The following EPHX2 variants were observed in gnomAD, a reference collection of about 807,000 sequenced individuals.
EPHX2 encodes bifunctional epoxide hydrolase 2.
A neutral mutation model predicts 78.7 loss-of-function variants in EPHX2; 74 were observed. The ratio of observed to expected loss-of-function variants is 0.94; its 90% CI spans 0.78 to 1.14. The LOEUF (loss-of-function observed/expected upper bound fraction) is 1.14. Among genes scored for constraint, EPHX2 ranks in the 50% most tolerant of loss-of-function variants. The pLI is 0.00. For synonymous variants in EPHX2, 251 were observed against 255.2 expected, an observed-to-expected ratio of 0.98 and a Z score of 0.16; for missense variants, 715 against 702.5, an observed-to-expected ratio of 1.02 and a Z score of -0.20.
rs376158103 is a variant in EPHX2 at position 27,506,899 on chromosome 8, A to G, written c.565A>G (p.Asn189Asp). 93 of 1,614,158 alleles carry G rather than the reference A, an allele frequency of 5.8e-5. No homozygotes were observed. In the East Asian group the frequency reaches 2.0e-3, roughly 34 times the overall value. Residue 189 changes from asparagine to aspartate, a missense_variant, in exon 5 of 19, where the codon AAT (asparagine) becomes GAT (aspartate). By Grantham distance (23) the Asn-to-Asp change is conservative. Coordinates refer to ENST00000521400, the MANE Select transcript of EPHX2 (RefSeq NM_001979.6). ...EVVFLDDIGA[N>D]LKPARDLGMV... ...CGTTTTTTTGGATGACATCGGGGCT[A>G]ATCTGAAGCCAGCCCGTGACTTGGG... is the stretch of plus-strand genomic sequence containing the variant.
At chr8:27,524,154 A>C (rs1256219931) in intron 11 of EPHX2, among the ~76,000 whole-genome samples, 1 of 152,058 alleles carries the variant, frequency 6.6e-6, no homozygotes, top group Admixed American at 6.5e-5. Flanking sequence ...GCTGGTCTAG[A>C]ACTCCTGGCC....
chr8:27,494,332 G>T (rs1167984855), intron 1 of EPHX2, among the ~76,000 whole-genome samples: 1 of 152,148 alleles, frequency 6.6e-6, no homozygotes, highest in Non-Finnish European at 1.5e-5. Context: ...GAGGATTGTG[G>T]CCTCCAGGCA....
In EPHX2 at chr8:27,544,961, C is replaced by G. The variant is rs544565063; in HGVS notation, c.*439C>G. The G allele has an allele frequency of 5.1e-6, 1 of 197,558 alleles. No homozygotes were observed. Among genetic ancestry groups the G allele is most frequent in the Admixed American group, 5.3e-5 (1 of 18,792 alleles). 12.2% of individuals were successfully genotyped at this position (197,558 alleles called of 1,614,324 possible). A position where few individuals can be genotyped will look rare whatever the true frequency, so the allele number is the denominator to read the frequency against. ...TTCTTGGAGAGGTGGAGTGACTGTT[C>G]ACGGAGAATGCACGGCATGGGGATG... On this transcript the variant is annotated 3_prime_UTR_variant, in exon 19 of 19. Transcript: ENST00000521400.
chr8:27,521,463 C>A (rs1350324314), intron 10 of EPHX2, among the ~76,000 whole-genome samples: 1 of 152,148 alleles, frequency 6.6e-6, no homozygotes, highest in African/African-American at 2.4e-5. Context: ...CCAGGCAGAA[C>A]AGCAGCAGTG....
intron 1 of EPHX2, among the ~76,000 whole-genome samples, chr8:27,495,965 C>T (rs1813557054): frequency 1.3e-5 from 2 of 152,180 alleles, no homozygotes; most frequent in African/African-American, 4.8e-5. Context: ...CTCTGGGTCT[C>T]CTTGATTAGA....
In EPHX2 at chr8:27,501,548, C is replaced by T. The variant is rs544161730; in HGVS notation, c.186+538C>T. 1.2e-3 allele frequency among the ~76,000 whole-genome samples: 189 copies of T among 152,014 alleles called. 2 individuals are homozygous for T. The highest frequency in any genetic ancestry group is 0.012 in the South Asian group (56 of 4,810). On this transcript the variant is annotated intron_variant, in intron 2 of 18. Transcript: ENST00000521400. ...CCTCCCAAGTAGCTGGGATTACAGG[C>T]ACACATCACCATGCCCAGCTGTTTT...
chr8:27,515,789 G>C lies in EPHX2; in HGVS notation c.807G>C (p.Glu269Asp). 6.2e-7 allele frequency: 1 copy of C among 1,614,086 alleles called. No homozygotes were observed. Among genetic ancestry groups the C allele is most frequent in the Non-Finnish European group, 8.5e-7 (1 of 1,180,030 alleles). The change falls in exon 7 of 19, where the codon GAG becomes GAC. Residue 269 changes from glutamate to aspartate, a missense_variant. Physicochemically the swap from Glu to Asp is conservative, Grantham distance 45 (BLOSUM62 2). Transcript: ENST00000521400. ...PAVCLCHGFPESWYSWRYQIP... is the reference protein window; with the variant it reads ...PAVCLCHGFPDSWYSWRYQIP... Reference sequence around the variant, plus strand: ...TGTGCCTCTGCCATGGATTTCCCGAGAGTTGGTATTCTTGGAGGTACCAGG... The same window carrying C: ...TGTGCCTCTGCCATGGATTTCCCGACAGTTGGTATTCTTGGAGGTACCAGG...
At chr8:27,528,147 A>C (rs142310709) in intron 12 of EPHX2, among the ~76,000 whole-genome samples, 82 of 152,344 alleles carry the variant, frequency 5.4e-4, no homozygotes, top group African/African-American at 1.9e-3. Flanking sequence ...AGCCCTTGTC[A>C]AGGCACAGTT....
chr8:27,534,231 CA>C (rs1254721455), intron 12 of EPHX2, among the ~76,000 whole-genome samples: 1 of 152,202 alleles, frequency 6.6e-6, no homozygotes, highest in Non-Finnish European at 1.5e-5. Flanking sequence ...AACAGGCAGA[CA>C]TAGCTTTCAT....
chr8:27,512,592 C>T (rs1352355570), intron 6 of EPHX2, among the ~76,000 whole-genome samples: 1 of 152,226 alleles, frequency 6.6e-6, no homozygotes, highest in Non-Finnish European at 1.5e-5. Context: ...GGCTTGCTGA[C>T]ACAGAGCAGG....
At chr8:27,544,329 T>G in intron 18 of EPHX2, 85 bp downstream of exon 18, 8 of 1,601,068 alleles carry the variant, frequency 5.0e-6, no homozygotes, top group Non-Finnish European at 6.8e-6. Context: ...TTCATTGTGC[T>G]GGCTTTGGCC....
chr8:27,508,768 G>C (rs182565212), intron 5 of EPHX2, among the ~76,000 whole-genome samples: 1 of 151,788 alleles, frequency 6.6e-6, no homozygotes, highest in Non-Finnish European at 1.5e-5. Flanking sequence ...GTGTGTGTGC[G>C]CGCACGCACG....
rs147834561 is a variant in EPHX2 at position 27,536,804 on chromosome 8, G to A, written c.1191G>A (p.Leu397=). ...TTTAGGGAGTGGCTGAGGCTGAACT[G>A]GAACAGAACCTGAGTCGGACTTTCA... The part of the protein sequence containing the change: ...FQEPGVAEAE[L]EQNLSRTFKS... Residue 397 remains leucine (L), a synonymous_variant, in exon 13 of 19, where the codon CTG becomes CTA. Coordinates refer to ENST00000521400, the MANE Select transcript of EPHX2 (RefSeq NM_001979.6). 82 of 1,613,304 alleles carry A rather than the reference G, an allele frequency of 5.1e-5. No homozygotes were observed. The highest frequency in any genetic ancestry group is 6.6e-5 in the Non-Finnish European group (78 of 1,179,734).
chr8:27,510,234 G>A (rs566823521), intron 5 of EPHX2, among the ~76,000 whole-genome samples: 24 of 152,304 alleles, frequency 1.6e-4, no homozygotes, highest in Admixed American at 5.2e-4. Flanking sequence ...GTTGGGTTAC[G>A]CCTTTAGGAC....
intron 8 of EPHX2, among the ~76,000 whole-genome samples, chr8:27,516,750 A>G (rs1814470453): frequency 6.6e-6 from 1 of 151,868 alleles, no homozygotes; most frequent in Non-Finnish European, 1.5e-5. Flanking sequence ...CCTCTCCCCA[A>G]CCCCTGACAA....
chr8:27,504,116 G>T (rs1320760217), intron 3 of EPHX2, among the ~76,000 whole-genome samples: 2 of 152,124 alleles, frequency 1.3e-5, no homozygotes, highest in Non-Finnish European at 2.9e-5. Flanking sequence ...TTAGCCTCTG[G>T]GTATCAGAGT....
At position 27,525,481 on chromosome 8, in the gene EPHX2, T is replaced by C. The variant is rs751034477; in HGVS notation, c.1170+8T>C. The C allele has an allele frequency of 2.6e-5, 41 of 1,607,520 alleles. No homozygotes were observed. Among genetic ancestry groups the C allele is most frequent in the Admixed American group, 3.3e-5 (2 of 60,000 alleles). On this transcript the variant is annotated splice_region_variant and intron_variant, in intron 12 of 18. Coordinates refer to ENST00000521400, the MANE Select transcript of EPHX2 (RefSeq NM_001979.6). ...CTCTACTTCCAAGAACCAGTAAGTA[T>C]GGCACCAAGGGCAACAATGGGAGCA...
Position 27,502,969 on chromosome 8 carries a change from G to GC in EPHX2, c.187-629dup, listed in dbSNP as rs1268211783. Among the ~76,000 whole-genome samples, 16 of 152,184 alleles carry GC rather than the reference G, an allele frequency of 1.1e-4. No homozygotes were observed. The East Asian group carries it at 3.1e-3, about 29-fold the overall frequency. On this transcript the variant is annotated intron_variant, in intron 2 of 18. Coordinates refer to ENST00000521400, the MANE Select transcript of EPHX2 (RefSeq NM_001979.6). ...GGCTTGCTATGGTCCAAGTGTTTGT[G>GC]CCCCCCGCCCAAAATCCCTATGTTG...
chr8:27,543,386 T>G (rs66571477), intron 16 of EPHX2, among the ~76,000 whole-genome samples: 12,390 of 152,150 alleles, frequency 0.081, 534 homozygotes, highest in Non-Finnish European at 0.1. Context: ...GCTGCCCCCA[T>G]TTTCTCTGGA....
Sources: allele counts gnomAD v4.1 joint callset (sites outside exome capture counted in the v4.1 genomes callset), GRCh38; gene constraint gnomAD v4.1.1; transcripts MANE v1.5; gene names NCBI Gene and HGNC (gene_info 2026-07-23, HGNC 2026-07-21).